Variants in PPP2R2A observed in about 807,000 individuals in gnomAD.
PPP2R2A encodes the protein serine/threonine-protein phosphatase 2A 55 kDa regulatory subunit B alpha isoform.
A neutral mutation model predicts 53.2 loss-of-function variants in PPP2R2A; 9 were observed. The observed-to-expected ratio is 0.17, with a 90% CI of 0.10 to 0.30. PPP2R2A has a LOEUF of 0.30. PPP2R2A is among the 10% of genes least tolerant of loss of function. The probability of loss-of-function intolerance (pLI) is 1.00; values close to 1 mark genes in which losing one functional copy is unlikely to be tolerated. For missense variants in PPP2R2A, 235 were observed against 534.6 expected, an observed-to-expected ratio of 0.44 and a Z score of 5.53; for synonymous variants, 169 against 174.2, an observed-to-expected ratio of 0.97 and a Z score of 0.23.
chr8:26,296,562 G>C (rs956461122), intron 2 of PPP2R2A, among the ~76,000 whole-genome samples: 2 of 152,056 alleles, frequency 1.3e-5, no homozygotes, highest in African/African-American at 4.8e-5. Context: ...TTCCTTTATA[G>C]CACTTTGTTA....
intron 3 of PPP2R2A, among the ~76,000 whole-genome samples, chr8:26,352,038 T>C (rs1804546326): frequency 6.6e-6 from 1 of 152,218 alleles, no homozygotes; most frequent in African/African-American, 2.4e-5. Flanking sequence ...GTAGAAACTT[T>C]CATGCAAATA....
At chr8:26,337,313 A>G (rs780089404) in intron 2 of PPP2R2A, among the ~76,000 whole-genome samples, 9 of 152,204 alleles carry the variant, frequency 5.9e-5, no homozygotes, top group Non-Finnish European at 1.2e-4. Context: ...CTTACGAGAA[A>G]GAATTTGTGT....
At chr8:26,294,035 A>G (rs1442244682) in intron 2 of PPP2R2A, among the ~76,000 whole-genome samples, 2 of 152,178 alleles carry the variant, frequency 1.3e-5, no homozygotes, top group African/African-American at 4.8e-5. Context: ...TTTCTTTGTT[A>G]TGTAAATTCC....
intron 2 of PPP2R2A, among the ~76,000 whole-genome samples, chr8:26,297,116 GT>G (rs1205224277): frequency 6.8e-6 from 1 of 147,410 alleles, no homozygotes; most frequent in African/African-American, 2.5e-5. Flanking sequence ...AATTCTTTTG[GT>G]GTGTGTGTGT....
rs146337244 is a variant in PPP2R2A at position 26,300,400 on chromosome 8, C to T, written c.82+6660C>T. ...AAAGTTGATTGTAGGAAGAAAGGTA[C>T]GTTTCTTAATGCTGTTAAATAGGAA... On this transcript the variant is annotated intron_variant, in intron 2 of 9. Transcript: ENST00000380737. 3.2e-3 allele frequency among the ~76,000 whole-genome samples: 489 copies of T among 151,894 alleles called. 1 individual carries two copies. The highest frequency in any genetic ancestry group is 0.011 in the African/African-American group (469 of 41,424).
In PPP2R2A at chr8:26,360,065, TTC is replaced by T. The variant is rs1279786904; in HGVS notation, c.347-103_347-102del. 7 of 606,474 alleles carry T rather than the reference TTC, an allele frequency of 1.2e-5. No homozygotes were observed. In the East Asian group the frequency reaches 1.4e-4, roughly 12 times the overall value. 37.6% of individuals were successfully genotyped at this position (606,474 alleles called of 1,614,324 possible). A position where few individuals can be genotyped will look rare whatever the true frequency, so the allele number is the denominator to read the frequency against. ...AGTTCAGATTAGGGTTTTTTTTTTT[TTC>T]GTGGAATCCTTTTACGTGAAATGTG... is the stretch of plus-strand genomic sequence containing the variant. On this transcript the variant is annotated intron_variant, in intron 4 of 9. Transcript: ENST00000380737. The surrounding 1 kb of genome is among the most constrained non-coding windows in gnomAD (Gnocchi z 4.5).
Position 26,360,208 on chromosome 8 carries a change from A to G in PPP2R2A, c.386A>G (p.Lys129Arg). Residue 129 changes from lysine to arginine, a missense_variant, in exon 5 of 10, where the codon AAA becomes AGA. By Grantham distance (26) the Lys-to-Arg change is conservative. Transcript: ENST00000380737. This position sits in a 1 kb window ranked among gnomAD's most constrained non-coding sequence, Gnocchi z 4.5. ...TTATGGAAAATCAGTGAAAGGGACA[A>G]AAGACCAGAAGGGTATAACTTGAAA... ...IKLWKISERDKRPEGYNLKEE... is the reference protein window; with the variant it reads ...IKLWKISERDRRPEGYNLKEE... 6.2e-7 allele frequency: 1 copy of G among 1,610,238 alleles called. No homozygotes were observed. Among genetic ancestry groups the G allele is most frequent in the Non-Finnish European group, 8.5e-7 (1 of 1,177,354 alleles).
At chr8:26,293,337 C>G (rs1801395669) in intron 1 of PPP2R2A, 1 of 1,410,790 alleles carries the variant, frequency 7.1e-7, no homozygotes, top group African/African-American at 1.4e-5. Flanking sequence ...TAAGAAAACT[C>G]TTTAACTCTT....
chr8:26,366,221 G>T lies in PPP2R2A; in HGVS notation c.973-94G>T, dbSNP rs28396889. On this transcript the variant is annotated intron_variant, in intron 8 of 9. Transcript: ENST00000380737. ...TAATAGGTTTAAAAGGTGTGTGTAT[G>T]TGTCTGTATATGCCCTTTTTTTCTT... is the stretch of plus-strand genomic sequence containing the variant. 6.4e-4 allele frequency: 575 copies of T among 892,882 alleles called. 3 individuals are homozygous for T. The African/African-American group carries it at 7.3e-3, about 11-fold the overall frequency. 55.3% of individuals were successfully genotyped at this position (892,882 alleles called of 1,614,324 possible).
At chr8:26,356,287 C>T (rs1346294980) in intron 4 of PPP2R2A, among the ~76,000 whole-genome samples, 1 of 152,198 alleles carries the variant, frequency 6.6e-6, no homozygotes, top group Non-Finnish European at 1.5e-5. Context: ...CTTAGAAATG[C>T]TGTTCACAAA....
chr8:26,301,497 T>C (rs1801784720), intron 2 of PPP2R2A, among the ~76,000 whole-genome samples: 2 of 151,976 alleles, frequency 1.3e-5, no homozygotes, highest in South Asian at 4.1e-4. Context: ...CACGCCCGGC[T>C]AGTTTTTAAA....
At chr8:26,316,492 T>TA (rs1461077658) in intron 2 of PPP2R2A, among the ~76,000 whole-genome samples, 2 of 152,228 alleles carry the variant, frequency 1.3e-5, no homozygotes, top group East Asian at 3.8e-4. Flanking sequence ...TCAGCTTTCT[T>TA]AGATAAAAAT....
At chr8:26,292,319 A>T (rs780052902) in intron 1 of PPP2R2A, 151 of 987,412 alleles carry the variant, frequency 1.5e-4, no homozygotes, top group Non-Finnish European at 1.8e-4. Flanking sequence ...GTGGGGGCAT[A>T]TGTGTATTTT....
chr8:26,354,455 G>T lies in PPP2R2A; in HGVS notation c.181-13G>T. 1.3e-6 allele frequency: 2 copies of T among 1,500,120 alleles called. No homozygotes were observed. The highest frequency in any genetic ancestry group is 2.2e-5 in the Admixed American group (1 of 46,278). 92.9% of individuals were successfully genotyped at this position (1,500,120 alleles called of 1,614,324 possible). On this transcript the variant is annotated splice_polypyrimidine_tract_variant and intron_variant, in intron 3 of 9. Coordinates refer to ENST00000380737, the MANE Select transcript of PPP2R2A (RefSeq NM_002717.4). This position sits in a 1 kb window ranked among gnomAD's most constrained non-coding sequence, Gnocchi z 4.6. ...TTTCAACAATGGTCCATATATTTTT[G>T]TTTTCATTTTAGAACAAAATCCAGT... is the stretch of plus-strand genomic sequence containing the variant.
chr8:26,295,842 T>C (rs1801518653), intron 2 of PPP2R2A, among the ~76,000 whole-genome samples: 1 of 152,232 alleles, frequency 6.6e-6, no homozygotes, highest in African/African-American at 2.4e-5. Context: ...TTGCATATTA[T>C]AGTCTTGCTT....
intron 2 of PPP2R2A, among the ~76,000 whole-genome samples, chr8:26,334,383 A>T (rs1803544504): frequency 6.6e-6 from 1 of 152,218 alleles, no homozygotes; most frequent in African/African-American, 2.4e-5. Flanking sequence ...CTTTTAAAAA[A>T]CATGATACAC....
Position 26,361,275 on chromosome 8 carries a change from C to G in PPP2R2A, c.637+124C>G, listed in dbSNP as rs564260894. Reference sequence around the variant, plus strand: ...GTCTGTGTACATATATGTATGGCACCTTATTTTTTTCTTTGTAGATGAGTA... The same window carrying G: ...GTCTGTGTACATATATGTATGGCACGTTATTTTTTTCTTTGTAGATGAGTA... On this transcript the variant is annotated intron_variant, in intron 6 of 9. Coordinates refer to ENST00000380737, the MANE Select transcript of PPP2R2A (RefSeq NM_002717.4). 43 of 866,282 alleles carry G rather than the reference C, an allele frequency of 5.0e-5. No individual in the cohort carries two copies. In the African/African-American group the frequency reaches 6.9e-4, roughly 14 times the overall value. The allele number at this position is 866,282 out of a possible 1,614,324, so 53.7% of individuals were successfully genotyped here.
chr8:26,306,911 G>A (rs1024715381), intron 2 of PPP2R2A, among the ~76,000 whole-genome samples: 5 of 152,114 alleles, frequency 3.3e-5, no homozygotes, highest in Admixed American at 1.3e-4. Flanking sequence ...CAGTTTCTTC[G>A]TCCTCTCACC....
chr8:26,294,147 C>T (rs1191192402), intron 2 of PPP2R2A, among the ~76,000 whole-genome samples: 4 of 152,136 alleles, frequency 2.6e-5, no homozygotes, highest in Non-Finnish European at 4.4e-5. Context: ...ACATTCTTAA[C>T]GGCATCTTTG....
Sources: gnomAD v4.1 joint callset for allele counts (sites outside exome capture counted in the v4.1 genomes callset) on GRCh38, gnomAD v4.1.1 for gene constraint, Gnocchi (gnomAD v3.1) non-coding constraint, MANE v1.5 for transcripts, NCBI Gene and HGNC (gene_info 2026-07-23, HGNC 2026-07-21) for gene names.